The following CXADR variants were observed in gnomAD, a reference collection of about 807,000 sequenced individuals.
The protein encoded by CXADR is CXADR cell adhesion molecule.
Under a neutral mutation model 40.3 loss-of-function variants are expected in CXADR, and 20 were observed. That is an observed-to-expected ratio of 0.50 (90% CI 0.35 to 0.72). The LOEUF is 0.72. Among genes scored for constraint, CXADR ranks in the 30% least tolerant of loss-of-function variants. CXADR has a pLI of 0.01. For missense variants in CXADR, 332 were observed against 449.1 expected, an observed-to-expected ratio of 0.74 and a Z score of 2.36; for synonymous variants, 150 against 161.3, an observed-to-expected ratio of 0.93 and a Z score of 0.53.
the CXADR span, among the ~76,000 whole-genome samples, chr21:17,622,021 C>A: frequency 6.6e-6 from 1 of 152,150 alleles, no homozygotes; most frequent in Non-Finnish European, 1.5e-5. Flanking sequence ...TCATTGCAAA[C>A]CTTCTTTGTA....
Position 17,586,390 on chromosome 21 carries a change from A to G in CXADR, c.1018-6762A>G, listed in dbSNP as rs2061396319. Among the ~76,000 whole-genome samples the G allele has an allele frequency of 2.9e-5, 4 of 136,386 alleles. No individual in the cohort carries two copies. In the Admixed American group the frequency reaches 3.0e-4, roughly 10 times the overall value. 89.5% of individuals were successfully genotyped at this position (136,386 alleles called of 152,430 possible). Reference sequence around the variant, plus strand: ...ATATATACAAAATGTGTGTATATATATATATAATGTGTATATATATATATA... The same window carrying G: ...ATATATACAAAATGTGTGTATATATGTATATAATGTGTATATATATATATA... On this transcript the variant is annotated intron_variant, in intron 7 of 7. Coordinates refer to the CXADR transcript ENST00000400169.
At chr21:17,589,953 T>C (rs1265857800) in intron 7 of CXADR, among the ~76,000 whole-genome samples, 1 of 151,986 alleles carries the variant, frequency 6.6e-6, no homozygotes, top group African/African-American at 2.4e-5. Context: ...TTAATTTGTA[T>C]TTAGTGTTCA....
At chr21:17,552,834 A>T (rs1455059998) in intron 3 of CXADR, among the ~76,000 whole-genome samples, 2 of 152,224 alleles carry the variant, frequency 1.3e-5, no homozygotes, top group African/African-American at 2.4e-5. Context: ...TCCCACATCA[A>T]CATTTACCTC....
chr21:17,631,808 A>G, the CXADR span, among the ~76,000 whole-genome samples: 7 of 152,176 alleles, frequency 4.6e-5, no homozygotes, highest in Non-Finnish European at 8.8e-5. Flanking sequence ...TACGTGTGGT[A>G]GACTAGATAC....
intron 7 of CXADR, among the ~76,000 whole-genome samples, chr21:17,589,505 T>G (rs1177251538): frequency 6.6e-6 from 1 of 151,888 alleles, no homozygotes; most frequent in East Asian, 1.9e-4. Context: ...TTTGTCCCAT[T>G]CCCCGCCTCT....
At chr21:17,606,733 A>C in the CXADR span, among the ~76,000 whole-genome samples, 1 of 152,138 alleles carries the variant, frequency 6.6e-6, no homozygotes, top group Non-Finnish European at 1.5e-5. Context: ...TTCAAAAACA[A>C]AATTTTAAAA....
At chr21:17,629,387 CAAAAAAAA>C in the CXADR span, among the ~76,000 whole-genome samples, 1 of 80,586 alleles carries the variant, frequency 1.2e-5, no homozygotes, top group Non-Finnish European at 2.6e-5. Flanking sequence ...GACTGTGTCT[CAAAAAAAA>C]AAAAAAAAAA....
At chr21:17,635,073 AAATGTAATAGT>A in the CXADR span, among the ~76,000 whole-genome samples, 1 of 152,256 alleles carries the variant, frequency 6.6e-6, no homozygotes, top group Admixed American at 6.5e-5. Flanking sequence ...AGTTGTAACA[AAATGTAATAGT>A]AATGAAATAT....
At chr21:17,533,124 T>C (rs1301123937) in intron 1 of CXADR, among the ~76,000 whole-genome samples, 1 of 152,174 alleles carries the variant, frequency 6.6e-6, no homozygotes, top group Non-Finnish European at 1.5e-5. Flanking sequence ...AGGTCTGAAA[T>C]AGATAATTTA....
In CXADR at chr21:17,566,444, G is replaced by A. The variant is rs2061209898; in HGVS notation, c.*752G>A. ...TATTGAGATGACACTAGGTGCAATA[G>A]CAGGGATAGATTTTGTTGGTGAGTA... On this transcript the variant is annotated 3_prime_UTR_variant, in exon 7 of 7. Coordinates refer to ENST00000284878, the MANE Select transcript of CXADR (RefSeq NM_001338.5). The A allele has an allele frequency of 2.0e-6, 2 of 985,410 alleles. No individual in the cohort carries two copies. The highest frequency in any genetic ancestry group is 2.4e-6 in the Non-Finnish European group (2 of 829,932). The allele number at this position is 985,410 out of a possible 1,614,324, so 61.0% of individuals were successfully genotyped here. A position where few individuals can be genotyped will look rare whatever the true frequency, so the allele number is the denominator to read the frequency against.
intron 1 of CXADR, among the ~76,000 whole-genome samples, chr21:17,541,240 G>A (rs78866524): frequency 5.0e-4 from 76 of 152,204 alleles, no homozygotes; most frequent in Non-Finnish European, 8.4e-4. Context: ...TTACACAGAA[G>A]CATTTCCCTG....
At chr21:17,554,800 G>T (rs1017348196) in intron 3 of CXADR, among the ~76,000 whole-genome samples, 1 of 151,716 alleles carries the variant, frequency 6.6e-6, no homozygotes, top group East Asian at 1.9e-4. Context: ...CTAAGTGGTG[G>T]TCACTGGAGC....
the CXADR span, among the ~76,000 whole-genome samples, chr21:17,619,336 AAGGAGTTCAAGACC>A: frequency 8.4e-3 from 1,286 of 152,274 alleles, 23 homozygotes; most frequent in African/African-American, 0.029. Flanking sequence ...CATGGCGTTC[AAGGAGTTCAAGACC>A]AGGAGTTCAA....
Position 17,566,672 on chromosome 21 carries a change from T to A in CXADR, c.*980T>A. On this transcript the variant is annotated 3_prime_UTR_variant, in exon 7 of 7. Coordinates refer to ENST00000284878, the MANE Select transcript of CXADR (RefSeq NM_001338.5). ...TGGTTCCAGTGCTTTATGTTGTTGT[T>A]GTTTTTGGATGGTGTTACATATTAT... 1 of 984,662 alleles carries A rather than the reference T, an allele frequency of 1.0e-6. No homozygotes were observed. The highest frequency in any genetic ancestry group is 1.2e-6 in the Non-Finnish European group (1 of 829,260). 61.0% of individuals were successfully genotyped at this position (984,662 alleles called of 1,614,324 possible).
At chr21:17,526,366 T>G (rs1404421533) in intron 1 of CXADR, among the ~76,000 whole-genome samples, 1 of 152,242 alleles carries the variant, frequency 6.6e-6, no homozygotes, top group Non-Finnish European at 1.5e-5. Context: ...TATTTCTTAC[T>G]TAATCTCTTG....
rs1287454846 is a variant in CXADR, at chr21:17,567,378, A to G, written c.*1686A>G. On this transcript the variant is annotated 3_prime_UTR_variant, in exon 7 of 7. Transcript: ENST00000284878. Reference sequence around the variant, plus strand: ...ACAGGTTTTAACCTTATGTAAAATTACTTTTATACTCGTGTTAACATTTTC... The same window carrying G: ...ACAGGTTTTAACCTTATGTAAAATTGCTTTTATACTCGTGTTAACATTTTC... The G allele has an allele frequency of 1.0e-6, 1 of 984,840 alleles. No homozygotes were observed. The highest frequency in any genetic ancestry group is 1.2e-6 in the Non-Finnish European group (1 of 829,474). 61.0% of individuals were successfully genotyped at this position (984,840 alleles called of 1,614,324 possible).
intron 1 of CXADR, among the ~76,000 whole-genome samples, chr21:17,544,464 C>G (rs935595221): frequency 1.3e-5 from 2 of 152,082 alleles, no homozygotes; most frequent in African/African-American, 4.8e-5. Flanking sequence ...TATTCATGAT[C>G]CTGTGGGTTG....
intron 1 of CXADR, among the ~76,000 whole-genome samples, chr21:17,522,076 G>A (rs1461695570): frequency 6.6e-6 from 1 of 151,788 alleles, no homozygotes; most frequent in Non-Finnish European, 1.5e-5. Flanking sequence ...GGAGTGCAGT[G>A]GGCTCAGGTG....
chr21:17,518,598 T>G (rs930320340), intron 1 of CXADR: 1 of 1,396,448 alleles, frequency 7.2e-7, no homozygotes, highest in Middle Eastern at 2.3e-4. Context: ...CATCAGTGTC[T>G]TCTGGTTTTG....
Sources: gnomAD v4.1 joint callset for allele counts (sites outside exome capture counted in the v4.1 genomes callset) on GRCh38, gnomAD v4.1.1 for gene constraint, MANE v1.5 for transcripts, NCBI Gene and HGNC (gene_info 2026-07-23, HGNC 2026-07-21) for gene names.